Variants in RIF1 observed in about 807,000 individuals in gnomAD.
The protein encoded by RIF1 is replication timing regulatory factor 1, also known as telomere-associated protein RIF1.
Under a neutral mutation model 247.1 loss-of-function variants are expected in RIF1, and 45 were observed. The ratio of observed to expected loss-of-function variants is 0.18; its 90% CI spans 0.14 to 0.23. The LOEUF (loss-of-function observed/expected upper bound fraction) is 0.23. Ranked by LOEUF, RIF1 falls within the 10% of genes least tolerant of loss-of-function variation. The probability of loss-of-function intolerance (pLI) is 1.00; values close to 1 mark genes in which losing one functional copy is unlikely to be tolerated. For synonymous variants in RIF1, 1,087 were observed against 978.8 expected (o/e 1.11, Z -2.06); for missense variants, 2,967 against 2,862.5 (o/e 1.04, Z -0.83).
the RIF1 span, among the ~76,000 whole-genome samples, chr2:151,517,620 T>G: frequency 3.3e-5 from 5 of 152,212 alleles, 1 homozygote; most frequent in Non-Finnish European, 7.3e-5. Context: ...CTAGATGGTA[T>G]AGCCTACTAC....
At chr2:151,449,115 T>TATAC (rs1027647079) in intron 20 of RIF1, among the ~76,000 whole-genome samples, 9 of 152,268 alleles carry the variant, frequency 5.9e-5, no homozygotes, top group Non-Finnish European at 7.3e-5. Flanking sequence ...AGCTGTTTTT[T>TATAC]AACATTATAA....
chr2:151,457,094 T>C (rs546495673), intron 23 of RIF1, among the ~76,000 whole-genome samples: 9 of 152,198 alleles, frequency 5.9e-5, no homozygotes, highest in Admixed American at 6.5e-5. Flanking sequence ...AGGGTTTTTT[T>C]TTTTTTAAGG....
At chr2:151,474,111 A>T (rs886933225) in intron 35 of RIF1, 39 bp downstream of exon 35, 3 of 925,474 alleles carry the variant, frequency 3.2e-6, no homozygotes, top group Non-Finnish European at 5.2e-6. Flanking sequence ...TATTTAGAAG[A>T]TCAGCTGACT....
At chr2:151,424,575 G>T (rs1170647062) in intron 8 of RIF1, among the ~76,000 whole-genome samples, 1 of 152,124 alleles carries the variant, frequency 6.6e-6, no homozygotes, top group Non-Finnish European at 1.5e-5. Flanking sequence ...GTACAAATCT[G>T]TTGGAGTTCC....
intron 12 of RIF1, chr2:151,505,951 T>C: frequency 1.7e-6 from 1 of 589,158 alleles, no homozygotes; most frequent in East Asian, 2.8e-5. Context: ...CAAGCCTCTC[T>C]GTTTTTCAGA....
At chr2:151,440,807 T>C (rs1388909425) in intron 15 of RIF1, among the ~76,000 whole-genome samples, 1 of 152,182 alleles carries the variant, frequency 6.6e-6, no homozygotes, top group Non-Finnish European at 1.5e-5. Context: ...TAACCCCATA[T>C]GTAAAGAGGG....
the RIF1 span, chr2:151,513,570 T>A: frequency 6.3e-7 from 1 of 1,579,540 alleles, no homozygotes; most frequent in South Asian, 1.2e-5. Context: ...CATCGAATAG[T>A]AGCACTGACC....
chr2:151,485,727 A>G (rs1341033276), downstream of RIF1: 5 of 1,567,480 alleles, frequency 3.2e-6, no homozygotes, highest in Non-Finnish European at 4.3e-6. Context: ...AGGATCTGTA[A>G]GTCCTGCAGA....
At chr2:151,530,842 C>A in the RIF1 span, 1 of 585,634 alleles carries the variant, frequency 1.7e-6, no homozygotes, top group Non-Finnish European at 3.0e-6. Context: ...AGTCAACTTA[C>A]CGAATCATGA....
rs2057361729 is a variant in RIF1 at position 151,492,500 on chromosome 2, G to A, written c.*416-2729G>A. ...AAACTATCAGAATAAAGAACCTGAT[G>A]CAGGAGAGACCGTGAATGAGTGGTG... On this transcript the variant is annotated intron_variant and NMD_transcript_variant, in intron 9 of 13. Transcript: ENST00000454583. The A allele has an allele frequency of 6.3e-7, 1 of 1,597,452 alleles. No homozygotes were observed. The highest frequency in any genetic ancestry group is 8.6e-7 in the Non-Finnish European group (1 of 1,165,800).
chr2:151,474,546 C>T (rs1373978249), intron 35 of RIF1, among the ~76,000 whole-genome samples: 1 of 152,120 alleles, frequency 6.6e-6, no homozygotes, highest in Non-Finnish European at 1.5e-5. Context: ...TGTGGTGGTG[C>T]ATGCCAGTAA....
chr2:151,435,606 T>TC, intron 11 of RIF1, 26 bp downstream of exon 11: 1 of 1,358,578 alleles, frequency 7.4e-7, no homozygotes, highest in Non-Finnish European at 1.1e-6. Context: ...TCTTGTTTTT[T>TC]GCTTTTTTAA....
At chr2:151,410,118 C>A (rs973242613) in intron 1 of RIF1, 85 bp downstream of exon 1, 49 of 687,906 alleles carry the variant, frequency 7.1e-5, no homozygotes, top group Non-Finnish European at 5.3e-6. Flanking sequence ...CGAGATGCCT[C>A]GTTCCCCGGG....
chr2:151,477,150 A>G lies in RIF1; in HGVS notation c.*2079A>G, dbSNP rs1036214440. On this transcript the variant is annotated 3_prime_UTR_variant, in exon 36 of 36. Coordinates refer to ENST00000444746, the MANE Select transcript of RIF1 (RefSeq NM_018151.5). ...TCTTCATTTTGCTATGGCTATAAGC[A>G]TATATTTTTGGCAACTTATTTGCAA... The G allele has an allele frequency of 2.0e-5, 3 of 152,238 alleles. No homozygotes were observed. The highest frequency in any genetic ancestry group is 4.4e-5 in the Non-Finnish European group (3 of 68,034). 9.4% of individuals were successfully genotyped at this position (152,238 alleles called of 1,614,324 possible).
At chr2:151,427,632 G>A (rs938994713) in intron 8 of RIF1, among the ~76,000 whole-genome samples, 4 of 149,970 alleles carry the variant, frequency 2.7e-5, no homozygotes, top group Admixed American at 6.7e-5. Flanking sequence ...GAAGTTATCC[G>A]GTTTTCTACC....
chr2:151,445,536 G>GTTTTTC, intron 19 of RIF1, 91 bp downstream of exon 19: 1 of 762,174 alleles, frequency 1.3e-6, no homozygotes, highest in Non-Finnish European at 2.3e-6. Flanking sequence ...ACAATGATTT[G>GTTTTTC]TTTTTCTTTT....
At chr2:151,473,037 A>G (rs1023207297) in intron 34 of RIF1, among the ~76,000 whole-genome samples, 1 of 152,102 alleles carries the variant, frequency 6.6e-6, no homozygotes, top group Non-Finnish European at 1.5e-5. Flanking sequence ...CATTATATGT[A>G]TATACCACAT....
intron 21 of RIF1, among the ~76,000 whole-genome samples, chr2:151,452,489 T>C (rs1694486643): frequency 1.3e-5 from 2 of 152,256 alleles, no homozygotes; most frequent in Admixed American, 1.3e-4. Context: ...ATGAGTTTTC[T>C]AAAACATTCT....
the RIF1 span, among the ~76,000 whole-genome samples, chr2:151,522,833 C>T: frequency 1.3e-5 from 2 of 152,098 alleles, no homozygotes; most frequent in Admixed American, 6.5e-5. Context: ...TGAGGTATTC[C>T]GCCTAGAGTA....
Sources: allele counts gnomAD v4.1 joint callset (sites outside exome capture counted in the v4.1 genomes callset), GRCh38; gene constraint gnomAD v4.1.1; transcripts MANE v1.5; gene names NCBI Gene and HGNC (gene_info 2026-07-23, HGNC 2026-07-21).